Variants in DGKB observed in about 807,000 individuals in gnomAD.
DGKB encodes the protein 90 kDa diacylglycerol kinase.
Under a neutral mutation model 114.3 loss-of-function variants are expected in DGKB, and 67 were observed. The ratio of observed to expected loss-of-function variants is 0.59; its 90% CI spans 0.48 to 0.72. DGKB has a LOEUF of 0.72. DGKB is among the 30% of genes least tolerant of loss of function. DGKB has a pLI of 0.00. For synonymous variants in DGKB, 398 were observed against 323.1 expected, an observed-to-expected ratio of 1.23 and a Z score of -2.49; for missense variants, 907 against 975.2, an observed-to-expected ratio of 0.93 and a Z score of 0.93.
intron 1 of DGKB, among the ~76,000 whole-genome samples, chr7:14,964,865 G>A (rs1306804278): frequency 3.3e-5 from 5 of 152,206 alleles, no homozygotes; most frequent in Admixed American, 3.3e-4. Context: ...AGTTGCAAGT[G>A]ACTGAAACCC....
chr7:14,967,814 T>C (rs1787248684), intron 1 of DGKB, among the ~76,000 whole-genome samples: 1 of 152,032 alleles, frequency 6.6e-6, no homozygotes, highest in Admixed American at 6.6e-5. Flanking sequence ...GTAAGTAACT[T>C]ATGTAAGACT....
chr7:14,939,229 GTATA>G (rs1171614261), intron 1 of DGKB, among the ~76,000 whole-genome samples: 9 of 151,990 alleles, frequency 5.9e-5, no homozygotes, highest in African/African-American at 2.2e-4. Flanking sequence ...ATTTCTTATT[GTATA>G]TGTTTTATAA....
intron 20 of DGKB, among the ~76,000 whole-genome samples, chr7:14,518,655 G>C (rs564532839): frequency 6.6e-6 from 1 of 152,140 alleles, no homozygotes; most frequent in African/African-American, 2.4e-5. Flanking sequence ...AGAAAAGAGA[G>C]AATTCTACTA....
At chr7:14,613,317 C>T in intron 16 of DGKB, 23 bp downstream of exon 16, 1 of 1,502,000 alleles carries the variant, frequency 6.7e-7, no homozygotes, top group Non-Finnish European at 9.1e-7. Context: ...GACATAGACA[C>T]TAAAATCAAT....
chr7:14,381,858 T>C (rs1368424573), intron 21 of DGKB, among the ~76,000 whole-genome samples: 2 of 152,194 alleles, frequency 1.3e-5, no homozygotes, highest in Admixed American at 1.3e-4. Context: ...AGTAATGATA[T>C]TTGCTACAGT....
At chr7:14,419,471 A>G (rs1035579279) in intron 21 of DGKB, among the ~76,000 whole-genome samples, 4 of 151,946 alleles carry the variant, frequency 2.6e-5, no homozygotes, top group African/African-American at 9.7e-5. Context: ...TTTAGTTACA[A>G]TTAAGGAAAT....
intron 19 of DGKB, among the ~76,000 whole-genome samples, chr7:14,575,023 G>T (rs1010472103): frequency 5.9e-5 from 9 of 152,282 alleles, no homozygotes; most frequent in Middle Eastern, 3.4e-3. Flanking sequence ...TACTCAGGAG[G>T]CTGAGGCGGG....
intron 23 of DGKB, among the ~76,000 whole-genome samples, chr7:14,203,038 G>C (rs915984473): frequency 1.3e-5 from 2 of 150,616 alleles, no homozygotes. Context: ...ATGAATGCTC[G>C]TCTACAATTA....
At chr7:14,333,552 A>G (rs1183398406) in intron 23 of DGKB, among the ~76,000 whole-genome samples, 2 of 151,728 alleles carry the variant, frequency 1.3e-5, no homozygotes, top group African/African-American at 4.8e-5. Flanking sequence ...TATTTTTCAT[A>G]GATTTCTGCA....
chr7:14,753,973 T>C, intron 3 of DGKB, 25 bp from the exon 4 acceptor site: 1 of 1,461,208 alleles, frequency 6.8e-7, no homozygotes, highest in Non-Finnish European at 9.4e-7. Context: ...AAAGAAAGAA[T>C]ACATGTGTTA....
intron 23 of DGKB, among the ~76,000 whole-genome samples, chr7:14,281,630 A>G (rs1799974273): frequency 6.7e-6 from 1 of 149,764 alleles, no homozygotes; most frequent in East Asian, 2.0e-4. Context: ...TCCTCAGCTA[A>G]TGTAAAAGAA....
intron 21 of DGKB, among the ~76,000 whole-genome samples, chr7:14,432,816 T>C (rs910851782): frequency 6.6e-6 from 1 of 152,142 alleles, no homozygotes; most frequent in Non-Finnish European, 1.5e-5. Flanking sequence ...CTCTTTCCCT[T>C]GTCTTTCTTT....
At chr7:14,781,585 C>T (rs928807184) in intron 2 of DGKB, among the ~76,000 whole-genome samples, 2 of 152,104 alleles carry the variant, frequency 1.3e-5, no homozygotes, top group Non-Finnish European at 2.9e-5. Context: ...TTGCTCTGGG[C>T]TGTCAATTAA....
chr7:14,508,712 G>A (rs189799504), intron 20 of DGKB, among the ~76,000 whole-genome samples: 119 of 152,196 alleles, frequency 7.8e-4, no homozygotes, highest in African/African-American at 2.6e-3. Flanking sequence ...ACTTCTAGAG[G>A]TAAGGTTGAA....
rs1389610434 is a variant in DGKB at position 14,607,513 on chromosome 7, A to G, written c.1359-5T>C. 2 of 1,477,406 alleles carry G rather than the reference A, an allele frequency of 1.4e-6. No homozygotes were observed. Among genetic ancestry groups the G allele is most frequent in the East Asian group, 2.3e-5 (1 of 43,744 alleles). The allele number at this position is 1,477,406 out of a possible 1,614,324, so 91.5% of individuals were successfully genotyped here. On this transcript the variant is annotated splice_region_variant and splice_polypyrimidine_tract_variant and intron_variant, in intron 16 of 25. Coordinates refer to ENST00000402815, the MANE Select transcript of DGKB (RefSeq NM_001350709.2). ...TACTGGAATTTTCTGTAAATTCTAT[A>G]AAGGTGAAAATGTGGGGAAAAAATT...
At chr7:14,408,069 C>A (rs931315434) in intron 21 of DGKB, among the ~76,000 whole-genome samples, 1 of 152,114 alleles carries the variant, frequency 6.6e-6, no homozygotes, top group African/African-American at 2.4e-5. Context: ...GGAACACACA[C>A]TGTAAGAAGA....
intron 21 of DGKB, among the ~76,000 whole-genome samples, chr7:14,453,578 A>G (rs1158432470): frequency 6.6e-6 from 1 of 152,154 alleles, no homozygotes; most frequent in Non-Finnish European, 1.5e-5. Context: ...CGTTCTCTGT[A>G]TGACAGAACA....
chr7:14,908,294 T>C (rs1342149853), upstream of DGKB, among the ~76,000 whole-genome samples: 2 of 152,148 alleles, frequency 1.3e-5, no homozygotes, highest in Non-Finnish European at 2.9e-5. Flanking sequence ...CAATATCCCA[T>C]CACTCTTTCT....
chr7:14,692,726 G>A (rs913489111), intron 9 of DGKB, among the ~76,000 whole-genome samples: 1 of 150,634 alleles, frequency 6.6e-6, no homozygotes, highest in Admixed American at 6.6e-5. Context: ...TTAGTTTAAG[G>A]GTAACTTTCC....
Sources: gnomAD v4.1 joint callset for allele counts (sites outside exome capture counted in the v4.1 genomes callset) on GRCh38, gnomAD v4.1.1 for gene constraint, MANE v1.5 for transcripts, NCBI Gene and HGNC (gene_info 2026-07-23, HGNC 2026-07-21) for gene names.